The following NIBAN1 variants were observed in gnomAD, a reference collection of about 807,000 sequenced individuals.
NIBAN1 encodes protein Niban 1.
A neutral mutation model predicts 75.1 loss-of-function variants in NIBAN1; 81 were observed. The ratio of observed to expected loss-of-function variants is 1.08; its 90% CI spans 0.90 to 1.30. The LOEUF (loss-of-function observed/expected upper bound fraction) is 1.30, where lower values mean the gene tolerates loss of function less well. NIBAN1 is among the 50% of genes most tolerant of loss of function. The probability of loss-of-function intolerance (pLI) is 0.00; values close to 1 mark genes in which losing one functional copy is unlikely to be tolerated. For synonymous variants in NIBAN1, 436 were observed against 424.8 expected (o/e 1.03, Z -0.32); for missense variants, 1,133 against 1,128.1 (o/e 1.00, Z -0.06).
At chr1:184,859,503 C>T (rs1048961732) in intron 5 of NIBAN1, among the ~76,000 whole-genome samples, 5 of 152,160 alleles carry the variant, frequency 3.3e-5, no homozygotes, top group South Asian at 4.1e-4. Flanking sequence ...CTCTGCTTTC[C>T]GTGTCACTGG....
chr1:184,889,089 T>C (rs1380414704), intron 4 of NIBAN1, among the ~76,000 whole-genome samples: 1 of 152,248 alleles, frequency 6.6e-6, no homozygotes, highest in African/African-American at 2.4e-5. Context: ...ACCAAGTAAT[T>C]ACTATGTAGT....
chr1:184,945,218 AGG>A (rs1170204843), intron 1 of NIBAN1, among the ~76,000 whole-genome samples: 1 of 152,210 alleles, frequency 6.6e-6, no homozygotes, highest in African/African-American at 2.4e-5. Context: ...GGAAGTAACC[AGG>A]GGAACTGCTA....
chr1:184,823,789 C>T (rs770736656), intron 6 of NIBAN1, 47 bp from the exon 7 acceptor site: 1 of 1,516,168 alleles, frequency 6.6e-7, no homozygotes, highest in South Asian at 1.1e-5. Context: ...GTGATGGCTA[C>T]ATCTGAGCAT....
chr1:184,967,683 A>G (rs1468282645), intron 1 of NIBAN1, among the ~76,000 whole-genome samples: 1 of 152,218 alleles, frequency 6.6e-6, no homozygotes, highest in Non-Finnish European at 1.5e-5. Context: ...AGTTACTATT[A>G]CTAGAGCACC....
At chr1:184,851,848 T>A (rs1655546258) in intron 5 of NIBAN1, among the ~76,000 whole-genome samples, 1 of 152,106 alleles carries the variant, frequency 6.6e-6, no homozygotes, top group East Asian at 1.9e-4. Flanking sequence ...GACTTTTTTT[T>A]TTTTTTTAAC....
chr1:184,797,460 A>G (rs1013938827), intron 13 of NIBAN1, among the ~76,000 whole-genome samples: 1 of 151,852 alleles, frequency 6.6e-6, no homozygotes, highest in African/African-American at 2.4e-5. Flanking sequence ...CATATTTTAA[A>G]CAAAGTTTTC....
chr1:184,925,943 A>G (rs1219066922), intron 1 of NIBAN1, among the ~76,000 whole-genome samples: 4 of 152,226 alleles, frequency 2.6e-5, no homozygotes, highest in African/African-American at 7.2e-5. Context: ...GAACCTCCCA[A>G]TGCTTTATTC....
chr1:184,879,706 G>T (rs1168961527), intron 5 of NIBAN1, among the ~76,000 whole-genome samples: 2 of 152,144 alleles, frequency 1.3e-5, no homozygotes, highest in African/African-American at 4.8e-5. Flanking sequence ...CCTAAAACTT[G>T]CAAGTATCAA....
chr1:184,877,388 A>T (rs234650), intron 5 of NIBAN1, among the ~76,000 whole-genome samples: 2 of 151,726 alleles, frequency 1.3e-5, no homozygotes, highest in African/African-American at 2.4e-5. Context: ...GATCAGGGAA[A>T]GACACATAAG....
At chr1:184,930,785 G>A (rs1657797468) in intron 1 of NIBAN1, among the ~76,000 whole-genome samples, 1 of 152,160 alleles carries the variant, frequency 6.6e-6, no homozygotes, top group South Asian at 2.1e-4. Context: ...ACTTCCAGCA[G>A]AGCCCTTTGA....
intron 1 of NIBAN1, among the ~76,000 whole-genome samples, chr1:184,943,868 A>G (rs1476264453): frequency 6.6e-6 from 1 of 152,228 alleles, no homozygotes; most frequent in Admixed American, 6.5e-5. Context: ...ATAACAGTAT[A>G]TAGTTCACTA....
intron 5 of NIBAN1, among the ~76,000 whole-genome samples, chr1:184,863,082 G>A (rs1214825283): frequency 1.3e-5 from 2 of 152,036 alleles, no homozygotes; most frequent in African/African-American, 4.8e-5. Flanking sequence ...AAAGAGTTCT[G>A]AGAACCTCAC....
intron 1 of NIBAN1, among the ~76,000 whole-genome samples, chr1:184,960,922 G>T (rs1221625934): frequency 6.6e-6 from 1 of 151,788 alleles, no homozygotes; most frequent in South Asian, 2.1e-4. Flanking sequence ...AAGCCACCAC[G>T]CTCAGCCAGG....
At chr1:184,965,477 T>C (rs1658758814) in intron 1 of NIBAN1, among the ~76,000 whole-genome samples, 1 of 152,200 alleles carries the variant, frequency 6.6e-6, no homozygotes, top group South Asian at 2.1e-4. Flanking sequence ...AATACATGCA[T>C]GCAGTCCTTT....
chr1:184,899,138 T>C, intron 2 of NIBAN1, 41 bp downstream of exon 2: 1 of 1,610,482 alleles, frequency 6.2e-7, no homozygotes, highest in Non-Finnish European at 8.5e-7. Flanking sequence ...TATAGCCTTC[T>C]TCAAGGGGAA....
At chr1:184,859,892 G>A (rs976081271) in intron 5 of NIBAN1, among the ~76,000 whole-genome samples, 3 of 152,114 alleles carry the variant, frequency 2.0e-5, no homozygotes, top group South Asian at 4.1e-4. Context: ...TCAGGAAAGC[G>A]GACAGCTGAT....
chr1:184,966,791 A>G (rs776593875), intron 1 of NIBAN1, among the ~76,000 whole-genome samples: 12 of 152,206 alleles, frequency 7.9e-5, no homozygotes, highest in Non-Finnish European at 1.5e-4. Context: ...GAAAAAGAAA[A>G]AAAACCACAT....
rs1170292607 is a variant in NIBAN1, at chr1:184,974,487, G to A, written c.-131C>T. 5.1e-5 allele frequency: 63 copies of A among 1,228,628 alleles called. No homozygotes were observed. Among genetic ancestry groups the A allele is most frequent in the Non-Finnish European group, 6.5e-5 (58 of 898,858 alleles). 76.1% of individuals were successfully genotyped at this position (1,228,628 alleles called of 1,614,324 possible). A position where few individuals can be genotyped will look rare whatever the true frequency, so the allele number is the denominator to read the frequency against. The stretch of plus-strand genomic sequence containing the variant: ...ACTTCCTTCGAGAGGCGAGAGACAG[G>A]AGGCAAGAGGCGTCGCCTTCTGGGG... On this transcript the variant is annotated 5_prime_UTR_variant, in exon 1 of 14. Coordinates refer to ENST00000367511, the MANE Select transcript of NIBAN1 (RefSeq NM_052966.4).
At chr1:184,922,943 T>C (rs1427183573) in intron 1 of NIBAN1, among the ~76,000 whole-genome samples, 1 of 152,204 alleles carries the variant, frequency 6.6e-6, no homozygotes, top group Non-Finnish European at 1.5e-5. Flanking sequence ...TTGTTTAAGC[T>C]TCTTATACAT....
Sources: allele counts gnomAD v4.1 joint callset (sites outside exome capture counted in the v4.1 genomes callset), GRCh38; gene constraint gnomAD v4.1.1; transcripts MANE v1.5; gene names NCBI Gene and HGNC (gene_info 2026-07-23, HGNC 2026-07-21).